Variants in EXOC6B observed in about 807,000 individuals in gnomAD.
The protein encoded by EXOC6B is SEC15 homolog B.
Under a neutral mutation model 113.5 loss-of-function variants are expected in EXOC6B, and 54 were observed. The observed-to-expected ratio is 0.48, with a 90% CI of 0.38 to 0.60. The LOEUF (loss-of-function observed/expected upper bound fraction) is 0.60. Among genes scored for constraint, EXOC6B ranks in the 20% least tolerant of loss-of-function variants. The pLI, the probability that EXOC6B is intolerant of heterozygous loss-of-function variation, is 0.00. For missense variants in EXOC6B, 797 were observed against 977.5 expected (o/e 0.82, Z 2.46); for synonymous variants, 357 against 339.0 (o/e 1.05, Z -0.58).
At chr2:72,329,894 G>T (rs2104860755) in intron 20 of EXOC6B, among the ~76,000 whole-genome samples, 1 of 152,170 alleles carries the variant, frequency 6.6e-6, no homozygotes, top group East Asian at 1.9e-4. Flanking sequence ...TTAAGTGTCT[G>T]CAATGGAAAT....
At chr2:72,586,068 C>T (rs577306975) in intron 6 of EXOC6B, among the ~76,000 whole-genome samples, 2 of 152,170 alleles carry the variant, frequency 1.3e-5, no homozygotes, top group African/African-American at 4.8e-5. Context: ...TGAAGCTGGA[C>T]CCCTGTCTTT....
chr2:72,570,257 G>A (rs1020930938), intron 7 of EXOC6B, among the ~76,000 whole-genome samples: 10 of 152,260 alleles, frequency 6.6e-5, no homozygotes, highest in Non-Finnish European at 1.2e-4. Flanking sequence ...GAGGCCTTAG[G>A]AGAAACTAAC....
At chr2:72,452,235 A>G in intron 18 of EXOC6B, among the ~76,000 whole-genome samples, 1 of 152,200 alleles carries the variant, frequency 6.6e-6, no homozygotes, top group East Asian at 1.9e-4. Context: ...GGTAAAGACA[A>G]ATAGTCATCT....
chr2:72,663,982 C>T (rs1199317496), intron 6 of EXOC6B, among the ~76,000 whole-genome samples: 5 of 151,990 alleles, frequency 3.3e-5, no homozygotes, highest in Non-Finnish European at 4.4e-5. Context: ...TGTACTTTCC[C>T]TTCAACTTTT....
At chr2:72,748,920 C>A (rs966446992) in intron 1 of EXOC6B, among the ~76,000 whole-genome samples, 1 of 152,002 alleles carries the variant, frequency 6.6e-6, no homozygotes, top group Admixed American at 6.6e-5. Context: ...AACAAGGAAA[C>A]TCCAAATTAA....
chr2:72,711,360 A>G (rs918179200), intron 6 of EXOC6B, among the ~76,000 whole-genome samples: 3 of 152,202 alleles, frequency 2.0e-5, no homozygotes, highest in Non-Finnish European at 4.4e-5. Flanking sequence ...ATGTATGTCC[A>G]CTAAATGCTT....
At chr2:72,431,016 A>G (rs1334204725) in intron 18 of EXOC6B, among the ~76,000 whole-genome samples, 2 of 152,288 alleles carry the variant, frequency 1.3e-5, no homozygotes, top group East Asian at 3.9e-4. Flanking sequence ...CCACTGATAA[A>G]TGGGGATGCT....
intron 1 of EXOC6B, among the ~76,000 whole-genome samples, chr2:72,784,719 A>G (rs1684269897): frequency 6.6e-6 from 1 of 152,218 alleles, no homozygotes; most frequent in African/African-American, 2.4e-5. Flanking sequence ...GGTTCCTCCC[A>G]CAACACGTGG....
At chr2:72,762,537 C>T (rs1287576766) in intron 1 of EXOC6B, among the ~76,000 whole-genome samples, 5 of 151,234 alleles carry the variant, frequency 3.3e-5, no homozygotes, top group Admixed American at 2.6e-4. Context: ...CTGTAAAGTG[C>T]TAAAGGAAAA....
chr2:72,557,382 T>C lies in EXOC6B; in HGVS notation c.915+2071A>G, dbSNP rs141425664. 5.0e-3 allele frequency among the ~76,000 whole-genome samples: 735 copies of C among 145,614 alleles called. 11 individuals carry two copies. The highest frequency in any genetic ancestry group is 0.018 in the African/African-American group (683 of 37,630). On this transcript the variant is annotated intron_variant, in intron 8 of 21. Coordinates refer to ENST00000272427, the MANE Select transcript of EXOC6B (RefSeq NM_015189.3). The stretch of plus-strand genomic sequence containing the variant: ...TATCTATACCTGTGATTGAAAAAGA[T>C]TGTCAAATTGTTTTAGATGCCTTGA...
chr2:72,268,920 A>C (rs1247349979), intron 20 of EXOC6B, among the ~76,000 whole-genome samples: 8 of 152,180 alleles, frequency 5.3e-5, no homozygotes, highest in Admixed American at 5.2e-4. Context: ...GAACCAATTA[A>C]ACCTCTTTTC....
intron 20 of EXOC6B, among the ~76,000 whole-genome samples, chr2:72,198,317 GGCTGCCT>G (rs1679293631): frequency 2.0e-5 from 3 of 152,294 alleles, no homozygotes; most frequent in Admixed American, 1.3e-4. Flanking sequence ...TCACAGAGCA[GGCTGCCT>G]CCTCCTTTTC....
chr2:72,635,608 A>G (rs1233496097), intron 6 of EXOC6B, among the ~76,000 whole-genome samples: 1 of 152,214 alleles, frequency 6.6e-6, no homozygotes, highest in East Asian at 1.9e-4. Context: ...TATGGTTTCA[A>G]TAGAGAATTC....
chr2:72,466,763 A>G (rs188576597), intron 17 of EXOC6B, among the ~76,000 whole-genome samples: 1 of 152,336 alleles, frequency 6.6e-6, no homozygotes, highest in East Asian at 1.9e-4. Context: ...ATGCAAAAGA[A>G]ACTGCTTTTA....
At chr2:72,376,226 T>C (rs1691348901) in intron 19 of EXOC6B, among the ~76,000 whole-genome samples, 1 of 152,204 alleles carries the variant, frequency 6.6e-6, no homozygotes, top group Admixed American at 6.5e-5. Flanking sequence ...AAAACTACCT[T>C]TTACATTTCT....
intron 6 of EXOC6B, among the ~76,000 whole-genome samples, chr2:72,699,082 C>A (rs1678105667): frequency 6.6e-6 from 1 of 152,184 alleles, no homozygotes; most frequent in Non-Finnish European, 1.5e-5. Flanking sequence ...AGTTTCACTA[C>A]ATTCTCAAAA....
At chr2:72,642,850 T>A (rs1673368350) in intron 6 of EXOC6B, among the ~76,000 whole-genome samples, 1 of 150,640 alleles carries the variant, frequency 6.6e-6, no homozygotes, top group African/African-American at 2.5e-5. Context: ...GGAGAAAATT[T>A]TCACAACCTA....
In EXOC6B at chr2:72,251,142, T is replaced by G. The variant is rs145731674; in HGVS notation, c.2197-66955A>C. On this transcript the variant is annotated intron_variant, in intron 20 of 21. Transcript: ENST00000272427. Reference sequence around the variant, plus strand: ...TGTCTCCATAGTTGCCTTTTTTTCCTTTTGCTGTCTACTTTATTTCTTAGC... The same window carrying G: ...TGTCTCCATAGTTGCCTTTTTTTCCGTTTGCTGTCTACTTTATTTCTTAGC... Among the ~76,000 whole-genome samples the G allele has an allele frequency of 6.5e-3, 988 of 152,310 alleles. 13 individuals carry two copies. The highest frequency in any genetic ancestry group is 0.022 in the African/African-American group (926 of 41,574).
intron 6 of EXOC6B, among the ~76,000 whole-genome samples, chr2:72,665,330 C>T (rs1573582954): frequency 2.0e-5 from 3 of 152,186 alleles, no homozygotes; most frequent in South Asian, 4.1e-4. Flanking sequence ...GGTTGACATG[C>T]AAATTCAAGA....
Sources: gnomAD v4.1 joint callset for allele counts (sites outside exome capture counted in the v4.1 genomes callset) on GRCh38, gnomAD v4.1.1 for gene constraint, MANE v1.5 for transcripts, NCBI Gene and HGNC (gene_info 2026-07-23, HGNC 2026-07-21) for gene names.